TULP4: variants seen among roughly 807,000 people sequenced by gnomAD.
The protein encoded by TULP4 is TUB like protein 4.
TULP4 carries 16 observed loss-of-function variants against 129.0 expected under a neutral mutation model. That is an observed-to-expected ratio of 0.12 (90% CI 0.08 to 0.19). The LOEUF is 0.19. Ranked by LOEUF, TULP4 falls within the 10% of genes least tolerant of loss-of-function variation. The pLI, the probability that TULP4 is intolerant of heterozygous loss-of-function variation, is 1.00. For synonymous variants in TULP4, 998 were observed against 854.0 expected, an observed-to-expected ratio of 1.17 and a Z score of -2.94; for missense variants, 1,842 against 2,059.1, an observed-to-expected ratio of 0.89 and a Z score of 2.04.
intron 1 of TULP4, among the ~76,000 whole-genome samples, chr6:158,383,076 TTTTGTTGAACCTG>T (rs2114920322): frequency 6.6e-6 from 1 of 152,300 alleles, no homozygotes; most frequent in African/African-American, 2.4e-5. Flanking sequence ...GTCTGACAAA[TTTTGTTGAACCTG>T]GCACCAGAAT....
chr6:158,283,814 T>A (rs1562505408), intron 1 of TULP4, among the ~76,000 whole-genome samples: 1 of 152,176 alleles, frequency 6.6e-6, no homozygotes, highest in Non-Finnish European at 1.5e-5. Context: ...CCAGCCAGCT[T>A]CAGCCTCTCT....
At chr6:158,468,508 C>G (rs774969952) in intron 6 of TULP4, among the ~76,000 whole-genome samples, 4 of 152,136 alleles carry the variant, frequency 2.6e-5, no homozygotes, top group Admixed American at 1.3e-4. Flanking sequence ...TATATTATCT[C>G]TTGGTTTCTT....
chr6:158,346,788 G>T (rs573309415), intron 1 of TULP4, among the ~76,000 whole-genome samples: 2 of 143,708 alleles, frequency 1.4e-5, no homozygotes, highest in African/African-American at 5.2e-5. Flanking sequence ...CTTCTTGAAG[G>T]TTTACATTTT....
chr6:158,303,290 A>G (rs529337219), intron 1 of TULP4, among the ~76,000 whole-genome samples: 2 of 152,136 alleles, frequency 1.3e-5, no homozygotes, highest in South Asian at 4.2e-4. Context: ...CCGGCTGAGA[A>G]ATAAAGGCAG....
upstream of TULP4, among the ~76,000 whole-genome samples, chr6:158,277,406 CT>C (rs35975044): frequency 3.3e-5 from 5 of 152,182 alleles, no homozygotes; most frequent in Admixed American, 6.5e-5. Context: ...GTTAAAATGA[CT>C]TTTACAGATT....
intron 3 of TULP4, among the ~76,000 whole-genome samples, chr6:158,448,576 A>G (rs1213941921): frequency 6.6e-6 from 1 of 152,218 alleles, no homozygotes; most frequent in Non-Finnish European, 1.5e-5. Context: ...GGTCAAACAT[A>G]AACCTAAGCT....
At chr6:158,429,630 A>G (rs1173755481) in intron 2 of TULP4, 106 bp from the exon 3 acceptor site, 2 of 1,245,052 alleles carry the variant, frequency 1.6e-6, no homozygotes, top group Non-Finnish European at 2.2e-6. Flanking sequence ...TTTTAAGGCC[A>G]TCTCCATCTT....
intron 8 of TULP4, among the ~76,000 whole-genome samples, chr6:158,484,896 C>A (rs1359446955): frequency 1.3e-5 from 2 of 152,252 alleles, no homozygotes; most frequent in Non-Finnish European, 2.9e-5. Context: ...TTCTGGAGAA[C>A]CCTGACTAAT....
chr6:158,351,802 T>C (rs1313632784), intron 1 of TULP4, among the ~76,000 whole-genome samples: 3 of 125,070 alleles, frequency 2.4e-5, no homozygotes, highest in African/African-American at 9.0e-5. Flanking sequence ...CACTGCAGCC[T>C]CCACCACATC....
intron 1 of TULP4, among the ~76,000 whole-genome samples, chr6:158,409,693 G>A (rs1778049260): frequency 6.6e-6 from 1 of 152,126 alleles, no homozygotes. Context: ...GAGAATAACA[G>A]CATTAGCAGT....
rs148065194 is a variant in TULP4 at position 158,503,973 on chromosome 6, G to A, written c.4310G>A (p.Arg1437Gln). The part of the protein sequence containing the change: ...RKGWKSKRSP[R>Q]AAGELEEAKC... ...GGCTGGAAAAGCAAGCGCTCCCCAC[G>A]GGCCGCCGGCGAGCTGGAGGAGGCC... The change falls in exon 13 of 14, where the codon CGG (arginine) becomes CAG (glutamine). Residue 1437 changes from arginine to glutamine, a missense_variant. Around this residue, in one of 5 missense-constraint regions of TULP4, gnomAD observed 1,089 missense variants for 987.1 expected, o/e 1.10. Transcript: ENST00000367097. The surrounding 1 kb of genome is among the most constrained non-coding windows in gnomAD (Gnocchi z 4.3). 761 of 1,613,070 alleles carry A rather than the reference G, an allele frequency of 4.7e-4. No individual in the cohort carries two copies. Among genetic ancestry groups the A allele is most frequent in the Middle Eastern group, 1.8e-3 (11 of 6,040 alleles).
At chr6:158,504,982 A>AACAGGACCC (rs1554297761) in intron 13 of TULP4, among the ~76,000 whole-genome samples, 7 of 78,894 alleles carry the variant, frequency 8.9e-5, no homozygotes, top group Non-Finnish European at 1.5e-4. Flanking sequence ...TATGCTAGTC[A>AACAGGACCC]ATAGCTGAGC....
chr6:158,449,335 C>G (rs1779118509), intron 4 of TULP4, among the ~76,000 whole-genome samples, 159 bp downstream of exon 4: 1 of 152,130 alleles, frequency 6.6e-6, no homozygotes, highest in Non-Finnish European at 1.5e-5. Context: ...CAAGGTAGGG[C>G]TGGCCTCATC....
chr6:158,503,244 G>T lies in TULP4; in HGVS notation c.3581G>T (p.Ser1194Ile). The T allele has an allele frequency of 1.2e-6, 2 of 1,614,082 alleles. No individual in the cohort carries two copies. Among genetic ancestry groups the T allele is most frequent in the Non-Finnish European group, 1.7e-6 (2 of 1,180,016 alleles). The change falls in exon 13 of 14, where the codon AGC becomes ATC. Residue 1194 changes from serine (S) to isoleucine (I), a missense_variant. This residue lies in a region of TULP4 where 1,089 missense variants were observed against 987.1 expected (regional missense o/e 1.10). Transcript: ENST00000367097. The surrounding 1 kb of genome is among the most constrained non-coding windows in gnomAD (Gnocchi z 4.3). ...GGGATGGGAGTGCCATATCCAGGAA[G>T]CTATAACAACCCCCCTTTGCCTGGA... ...GYGMGVPYPG[S>I]YNNPPLPGVQ...
At chr6:158,487,061 A>G (rs1780088971) in intron 8 of TULP4, among the ~76,000 whole-genome samples, 1 of 152,182 alleles carries the variant, frequency 6.6e-6, no homozygotes, top group Admixed American at 6.5e-5. Context: ...CAGCCTGGCC[A>G]ACATGGTCAA....
Position 158,297,634 on chromosome 6 carries a change from C to T in TULP4, n.117-14417C>T, listed in dbSNP as rs116775511. Among the ~76,000 whole-genome samples the T allele has an allele frequency of 9.0e-3, 1,364 of 152,168 alleles. 17 individuals carry two copies. The highest frequency in any genetic ancestry group is 0.032 in the African/African-American group (1,308 of 41,488). On this transcript the variant is annotated intron_variant and non_coding_transcript_variant, in intron 1 of 1. Transcript: ENST00000432358. ...AATTTTAGGAACTGATATATGTCCA[C>T]GAAATCTTCATAATTTATGTTCCTC...
chr6:158,415,660 G>A (rs374767323), intron 2 of TULP4, among the ~76,000 whole-genome samples: 1 of 148,598 alleles, frequency 6.7e-6, no homozygotes, highest in Non-Finnish European at 1.5e-5. Context: ...GCGCCCGGCC[G>A]CTTCTACTTA....
intron 3 of TULP4, among the ~76,000 whole-genome samples, chr6:158,447,165 C>G (rs341131): frequency 2.0e-5 from 3 of 152,014 alleles, no homozygotes; most frequent in African/African-American, 7.3e-5. Context: ...GAAAATTGCT[C>G]ACCAAGTACA....
intron 1 of TULP4, among the ~76,000 whole-genome samples, chr6:158,303,273 G>A (rs561975907): frequency 6.6e-6 from 1 of 151,978 alleles, no homozygotes; most frequent in African/African-American, 2.4e-5. Context: ...TTTTCCGTAA[G>A]TGTTGGCCGG....
Sources: allele counts gnomAD v4.1 joint callset (sites outside exome capture counted in the v4.1 genomes callset), GRCh38; gene constraint gnomAD v4.1.1; regional missense constraint gnomAD v4.1.1; non-coding constraint Gnocchi (gnomAD v3.1); transcripts MANE v1.5; gene names NCBI Gene and HGNC (gene_info 2026-07-23, HGNC 2026-07-21).